The following ADGRG2 variants were observed in gnomAD, a reference collection of about 807,000 sequenced individuals.
The protein encoded by ADGRG2 is G protein-coupled receptor 64.
A neutral mutation model predicts 74.1 loss-of-function variants in ADGRG2; 26 were observed. The observed-to-expected ratio is 0.35, with a 90% CI of 0.26 to 0.49. The LOEUF is 0.49. Among genes scored for constraint, ADGRG2 ranks in the 20% least tolerant of loss-of-function variants. The pLI is 0.99. For synonymous variants in ADGRG2, 296 were observed against 295.2 expected, an observed-to-expected ratio of 1.00 and a Z score of -0.03; for missense variants, 619 against 763.1, an observed-to-expected ratio of 0.81 and a Z score of 2.22.
intron 1 of ADGRG2, among the ~76,000 whole-genome samples, chrX:19,114,023 G>A (rs1355226417): frequency 1.0e-5 from 1 of 97,154 alleles, no homozygotes; most frequent in Non-Finnish European, 2.0e-5. Context: ...AGTGAGCCGA[G>A]ATTGCACCAC....
Position 18,995,031 on chromosome X carries a change from T to C in ADGRG2, c.2734A>G (p.Thr912Ala). 8.3e-7 allele frequency: 1 copy of C among 1,200,504 alleles called. No homozygotes were observed. Among genetic ancestry groups the C allele is most frequent in the Non-Finnish European group, 1.1e-6 (1 of 887,946 alleles). The change falls in exon 28 of 29, where the codon ACT becomes GCT. Residue 912 changes from threonine (T) to alanine (A), a missense_variant. By Grantham distance (58) the Thr-to-Ala change is moderately conservative. Coordinates refer to ENST00000379869, the MANE Select transcript of ADGRG2 (RefSeq NM_001079858.3). ...ACAGTCTGCTTCTTTAAACCATTAG[T>C]AGCAGTTTTACTCCAGTCTACAGCA... ...AENSDWSKTA[T>A]NGLKKQTVNQ...
intron 3 of ADGRG2, among the ~76,000 whole-genome samples, chrX:19,045,386 C>T (rs2061164206): frequency 9.3e-6 from 1 of 108,051 alleles, no homozygotes; most frequent in African/African-American, 3.4e-5. Flanking sequence ...CGGCTCACTG[C>T]AAGCTCCTCC....
intron 1 of ADGRG2, among the ~76,000 whole-genome samples, chrX:19,091,288 G>A (rs993056761): frequency 1.8e-5 from 2 of 110,649 alleles, no homozygotes; most frequent in Admixed American, 9.7e-5. Flanking sequence ...AGTGGGCAGC[G>A]TGTTCAGATT....
chrX:19,043,593 T>G (rs934135911), intron 3 of ADGRG2, among the ~76,000 whole-genome samples: 4 of 111,644 alleles, frequency 3.6e-5, no homozygotes, highest in African/African-American at 1.3e-4. Context: ...TCTATAAAAT[T>G]TACTCAGTAT....
chrX:19,017,257 C>T (rs901859331), intron 15 of ADGRG2, among the ~76,000 whole-genome samples: 14 of 111,904 alleles, frequency 1.3e-4, no homozygotes, highest in African/African-American at 4.2e-4. Context: ...TGGATGTGCA[C>T]GGTGATATTT....
At chrX:19,079,768 T>A (rs2061811834) in intron 2 of ADGRG2, among the ~76,000 whole-genome samples, 1 of 112,265 alleles carries the variant, frequency 8.9e-6, no homozygotes, top group African/African-American at 3.2e-5. Flanking sequence ...AAGTGCTTTC[T>A]GATGCAGAAA....
chrX:19,007,929 C>A, intron 19 of ADGRG2, 51 bp downstream of exon 19: 1 of 1,053,655 alleles, frequency 9.5e-7, no homozygotes, highest in Non-Finnish European at 1.3e-6. Flanking sequence ...AAATGAAATG[C>A]CCTCATCTCC....
intron 5 of ADGRG2, 24 bp downstream of exon 5, chrX:19,037,565 G>A (rs772551002): frequency 1.7e-6 from 2 of 1,157,604 alleles, no homozygotes; most frequent in South Asian, 3.9e-5. Flanking sequence ...CTAAATCTAG[G>A]TTTAAATTTT....
chrX:19,099,678 C>T (rs775213242), intron 1 of ADGRG2, among the ~76,000 whole-genome samples: 3 of 111,982 alleles, frequency 2.7e-5, no homozygotes, highest in Non-Finnish European at 5.6e-5. Flanking sequence ...AAGCTCGTCA[C>T]GCTAAAAACC....
At chrX:19,103,513 C>T (rs1470194716) in intron 1 of ADGRG2, among the ~76,000 whole-genome samples, 2 of 112,162 alleles carry the variant, frequency 1.8e-5, no homozygotes, top group Non-Finnish European at 3.8e-5. Flanking sequence ...TTTCACTTTA[C>T]TCTATGGACT....
chrX:19,066,445 C>CTTTTTTT lies in ADGRG2; in HGVS notation c.118+2265_118+2271dup, dbSNP rs1225489257. ...AGTCCCATTCCTAATGAGGATGCTTCTTTTTTTTTTTTTTTTTTTTTTTTT... is the reference window on the plus strand; with the variant it reads ...AGTCCCATTCCTAATGAGGATGCTTCTTTTTTTTTTTTTTTTTTTTTTTTTTTTTTTT... On this transcript the variant is annotated intron_variant, in intron 3 of 28. Coordinates refer to ENST00000379869, the MANE Select transcript of ADGRG2 (RefSeq NM_001079858.3). 5.3e-4 allele frequency among the ~76,000 whole-genome samples: 21 copies of CTTTTTTT among 39,943 alleles called. 7 individuals carry two copies. The highest frequency in any genetic ancestry group is 2.2e-3 in the African/African-American group (20 of 8,933). The allele number at this position is 39,943 out of a possible 115,157, so 34.7% of individuals were successfully genotyped here. A position where few individuals can be genotyped will look rare whatever the true frequency, so the allele number is the denominator to read the frequency against.
In ADGRG2 at chrX:18,998,993, T is replaced by C; in HGVS notation, c.2614+3A>G. On this transcript the variant is annotated splice_donor_region_variant and intron_variant, in intron 26 of 28. Transcript: ENST00000379869. ...AGTTTGTATTTGATGCTGTAAAGCTTACCTTGTAAGGTATTAAAGATGGCA... is the reference window on the plus strand; with the variant it reads ...AGTTTGTATTTGATGCTGTAAAGCTCACCTTGTAAGGTATTAAAGATGGCA... 4 of 1,182,530 alleles carry C rather than the reference T, an allele frequency of 3.4e-6. No individual in the cohort carries two copies. Among genetic ancestry groups the C allele is most frequent in the Non-Finnish European group, 4.6e-6 (4 of 874,125 alleles).
intron 16 of ADGRG2, among the ~76,000 whole-genome samples, chrX:19,011,001 G>A (rs1286863049): frequency 5.4e-5 from 6 of 111,840 alleles, no homozygotes; most frequent in Non-Finnish European, 1.1e-4. Flanking sequence ...ACTGGAGAAT[G>A]GATCAACAAA....
intron 1 of ADGRG2, among the ~76,000 whole-genome samples, chrX:19,089,933 T>A (rs1298929054): frequency 2.7e-5 from 3 of 112,349 alleles, no homozygotes; most frequent in Non-Finnish European, 3.8e-5. Flanking sequence ...TGTTTTGTTA[T>A]GTGGAAAAAA....
chrX:18,994,525 T>C (rs1190831740), intron 28 of ADGRG2, among the ~76,000 whole-genome samples: 1 of 111,509 alleles, frequency 9.0e-6, no homozygotes, highest in African/African-American at 3.3e-5. Context: ...AACATGTATA[T>C]TATGATAGAT....
At chrX:19,109,690 T>C (rs1157225939) in intron 1 of ADGRG2, among the ~76,000 whole-genome samples, 1 of 111,768 alleles carries the variant, frequency 8.9e-6, no homozygotes, top group African/African-American at 3.3e-5. Flanking sequence ...TATCCCCTTC[T>C]TCCCACCTAA....
chrX:19,022,214 G>A (rs1020465981), intron 13 of ADGRG2, among the ~76,000 whole-genome samples: 1 of 107,601 alleles, frequency 9.3e-6, no homozygotes, highest in Admixed American at 9.9e-5. Flanking sequence ...GCAGTGAGCC[G>A]AGATCGTGCC....
At chrX:19,029,064 G>A (rs1013598923) in intron 9 of ADGRG2, among the ~76,000 whole-genome samples, 1 of 111,503 alleles carries the variant, frequency 9.0e-6, no homozygotes, top group Non-Finnish European at 1.9e-5. Flanking sequence ...GAGCTAGAAG[G>A]CCTCCTCTTC....
At chrX:19,001,010 C>A (rs765476267) in intron 24 of ADGRG2, among the ~76,000 whole-genome samples, 1 of 111,593 alleles carries the variant, frequency 9.0e-6, no homozygotes, top group South Asian at 3.8e-4. Context: ...GCTGGGATTA[C>A]AGGCATGAGC....
Sources: allele counts gnomAD v4.1 joint callset (sites outside exome capture counted in the v4.1 genomes callset), GRCh38; gene constraint gnomAD v4.1.1; transcripts MANE v1.5; gene names NCBI Gene and HGNC (gene_info 2026-07-23, HGNC 2026-07-21).